Variants in RALYL observed in about 807,000 individuals in gnomAD.
The protein encoded by RALYL is RNA-binding Raly-like protein.
In RALYL, 29 loss-of-function variants were observed where a neutral mutation model predicts 35.1. That is an observed-to-expected ratio of 0.83 (90% CI 0.61 to 1.13). RALYL has a LOEUF of 1.13. RALYL is among the 50% of genes most tolerant of loss of function. The pLI, the probability that RALYL is intolerant of heterozygous loss-of-function variation, is 0.00. For missense variants in RALYL, 359 were observed against 360.4 expected, an observed-to-expected ratio of 1.00 and a Z score of 0.03; for synonymous variants, 120 against 127.6, an observed-to-expected ratio of 0.94 and a Z score of 0.40.
chr8:84,290,415 A>G (rs1199594485), intron 1 of RALYL, among the ~76,000 whole-genome samples: 1 of 151,792 alleles, frequency 6.6e-6, no homozygotes, highest in Non-Finnish European at 1.5e-5. Flanking sequence ...GCAAAGGGAG[A>G]TAAGGGTGGG....
chr8:84,395,204 A>G lies in RALYL; in HGVS notation c.-23-134095A>G, dbSNP rs183703460. Among the ~76,000 whole-genome samples the G allele has an allele frequency of 1.5e-3, 229 of 151,978 alleles. 2 individuals carry two copies. Among genetic ancestry groups the G allele is most frequent in the African/African-American group, 4.5e-3 (186 of 41,556 alleles). ...TTTAAAAGTCCTTGTATACATATAT[A>G]CATACATGTAGTGAAGATTTAGGCT... is the stretch of plus-strand genomic sequence containing the variant. On this transcript the variant is annotated intron_variant, in intron 1 of 8. Coordinates refer to ENST00000521268, the MANE Select transcript of RALYL (RefSeq NM_173848.7).
At chr8:84,261,862 G>A (rs1449098784) in intron 1 of RALYL, among the ~76,000 whole-genome samples, 3 of 151,876 alleles carry the variant, frequency 2.0e-5, no homozygotes, top group African/African-American at 4.8e-5. Flanking sequence ...AAAACTTTAA[G>A]CTGCATTTTT....
At chr8:84,396,816 G>A (rs1447253898) in intron 1 of RALYL, among the ~76,000 whole-genome samples, 2 of 151,960 alleles carry the variant, frequency 1.3e-5, no homozygotes, top group African/African-American at 2.4e-5. Flanking sequence ...GATCAGGATT[G>A]TCTTTTGTTT....
intron 2 of RALYL, among the ~76,000 whole-genome samples, chr8:84,706,871 A>C (rs1380943923): frequency 1.3e-5 from 2 of 152,166 alleles, no homozygotes; most frequent in Admixed American, 1.3e-4. Flanking sequence ...TCTATTGTCT[A>C]AAGTAAATAA....
At chr8:84,825,356 G>T (rs1189958437) in intron 4 of RALYL, among the ~76,000 whole-genome samples, 1 of 152,054 alleles carries the variant, frequency 6.6e-6, no homozygotes, top group Non-Finnish European at 1.5e-5. Context: ...ACAGATGTTG[G>T]CAGGGCTGTG....
At chr8:84,225,502 C>G (rs1823654575) in intron 1 of RALYL, among the ~76,000 whole-genome samples, 1 of 152,170 alleles carries the variant, frequency 6.6e-6, no homozygotes, top group African/African-American at 2.4e-5. Context: ...CTTGTTTCCT[C>G]TTGATGATTA....
At chr8:84,440,803 C>T (rs990473627) in intron 1 of RALYL, among the ~76,000 whole-genome samples, 2 of 151,834 alleles carry the variant, frequency 1.3e-5, no homozygotes, top group Admixed American at 6.6e-5. Flanking sequence ...GGATTATGAA[C>T]AAAGCTACAT....
At position 84,420,265 on chromosome 8, in the gene RALYL, G is replaced by A. The variant is rs1587020262; in HGVS notation, c.-23-109034G>A. On this transcript the variant is annotated intron_variant, in intron 1 of 8. Transcript: ENST00000521268. ...AACTGGTGTGAGATGGTATTTCATA[G>A]TGGTTTTGATTTGCATTTCTCTGAT... 2.6e-5 allele frequency among the ~76,000 whole-genome samples: 4 copies of A among 152,244 alleles called. No individual in the cohort carries two copies. The Middle Eastern group carries it at 0.01, about 388-fold the overall frequency.
intron 2 of RALYL, among the ~76,000 whole-genome samples, chr8:84,724,758 G>A (rs1017971027): frequency 6.6e-6 from 1 of 151,684 alleles, no homozygotes; most frequent in Non-Finnish European, 1.5e-5. Context: ...TTAAGATTTT[G>A]TAGGCAAATT....
At chr8:84,693,403 C>T (rs893644997) in intron 2 of RALYL, among the ~76,000 whole-genome samples, 1 of 151,986 alleles carries the variant, frequency 6.6e-6, no homozygotes, top group African/African-American at 2.4e-5. Context: ...CATTATAAAA[C>T]CAACAGATCT....
intron 1 of RALYL, among the ~76,000 whole-genome samples, chr8:84,508,870 T>C (rs1038837965): frequency 4.6e-5 from 7 of 152,040 alleles, no homozygotes; most frequent in African/African-American, 1.7e-4. Context: ...TTTCAAAAAG[T>C]CGTGTATATT....
At chr8:84,310,051 T>G (rs1223131230) in intron 1 of RALYL, among the ~76,000 whole-genome samples, 1 of 151,804 alleles carries the variant, frequency 6.6e-6, no homozygotes, top group Non-Finnish European at 1.5e-5. Context: ...TTTTTCTTTT[T>G]TTTTTTCTTT....
At chr8:84,380,895 T>A (rs938538512) in intron 1 of RALYL, among the ~76,000 whole-genome samples, 1 of 151,408 alleles carries the variant, frequency 6.6e-6, no homozygotes, top group Admixed American at 6.6e-5. Context: ...GCTCCGTAAC[T>A]GAGAATGAGT....
intron 1 of RALYL, among the ~76,000 whole-genome samples, chr8:84,381,380 C>G (rs1351749402): frequency 4.6e-5 from 7 of 151,894 alleles, no homozygotes; most frequent in Non-Finnish European, 1.0e-4. Context: ...AGCATTCCTT[C>G]TTATCTCAGA....
intron 1 of RALYL, among the ~76,000 whole-genome samples, chr8:84,216,962 C>T (rs1586256147): frequency 6.6e-6 from 1 of 152,050 alleles, no homozygotes; most frequent in African/African-American, 2.4e-5. Flanking sequence ...CTGTTCCTTT[C>T]CTGAGATAAA....
chr8:84,445,093 A>C (rs1330947743), intron 1 of RALYL, among the ~76,000 whole-genome samples: 1 of 152,098 alleles, frequency 6.6e-6, no homozygotes, highest in Non-Finnish European at 1.5e-5. Context: ...AAATCCAGGT[A>C]CTGATGCTCC....
chr8:84,441,196 T>C (rs1216228049), intron 1 of RALYL, among the ~76,000 whole-genome samples: 1 of 152,146 alleles, frequency 6.6e-6, no homozygotes, highest in Non-Finnish European at 1.5e-5. Context: ...TTAAGAAGAC[T>C]TCACATTTTC....
intron 4 of RALYL, among the ~76,000 whole-genome samples, chr8:84,806,501 T>A (rs1824627635): frequency 6.6e-6 from 1 of 151,398 alleles, no homozygotes; most frequent in Non-Finnish European, 1.5e-5. Context: ...AGACCCTAAG[T>A]AATCTTTGTT....
chr8:84,457,602 C>A (rs746636740), intron 1 of RALYL, among the ~76,000 whole-genome samples: 1 of 151,902 alleles, frequency 6.6e-6, no homozygotes, highest in African/African-American at 2.4e-5. Context: ...ATGTATAACA[C>A]TTTTTGGCTT....
Sources: gnomAD v4.1 joint callset for allele counts (sites outside exome capture counted in the v4.1 genomes callset) on GRCh38, gnomAD v4.1.1 for gene constraint, MANE v1.5 for transcripts, NCBI Gene and HGNC (gene_info 2026-07-23, HGNC 2026-07-21) for gene names.